RAB33A: variants seen among roughly 807,000 people sequenced by gnomAD.
The protein encoded by RAB33A is ras-related protein Rab-33A.
In RAB33A, 6 loss-of-function variants were observed where a neutral mutation model predicts 12.0. The observed-to-expected ratio is 0.50, with a 90% confidence interval of 0.27 to 0.99. The LOEUF is 0.99. Ranked by LOEUF, RAB33A falls within the 50% of genes least tolerant of loss-of-function variation. RAB33A has a pLI of 0.11. For missense variants in RAB33A, 109 were observed against 192.0 expected, an observed-to-expected ratio of 0.57 and a Z score of 2.55; for synonymous variants, 70 against 82.4, an observed-to-expected ratio of 0.85 and a Z score of 0.81.
chrX:130,163,838 T>C, the RAB33A span, among the ~76,000 whole-genome samples: 1 of 111,101 alleles, frequency 9.0e-6, no homozygotes, highest in Non-Finnish European at 1.9e-5. Flanking sequence ...TACTCAAAGT[T>C]TGAAAGGCCA....
At chrX:130,129,872 G>A in the RAB33A span, 179 of 1,035,431 alleles carry the variant, frequency 1.7e-4, no homozygotes, top group Middle Eastern at 2.9e-4. Flanking sequence ...ATTTGACCTG[G>A]CCGGGGGACA....
At chrX:130,165,533 C>T in the RAB33A span, 1 of 1,172,551 alleles carries the variant, frequency 8.5e-7, no homozygotes, top group African/African-American at 1.8e-5. Context: ...TGGAGGTTGC[C>T]TGGAATGGGT....
the RAB33A span, among the ~76,000 whole-genome samples, chrX:130,148,869 CTCTTTTCCA>C: frequency 3.1e-5 from 3 of 95,275 alleles, no homozygotes; most frequent in Non-Finnish European, 6.3e-5. Context: ...AGGTTTTCAT[CTCTTTTCCA>C]TCTTTTCCAA....
At chrX:130,133,249 T>C in the RAB33A span, 2 of 1,176,130 alleles carry the variant, frequency 1.7e-6, no homozygotes, top group Non-Finnish European at 2.3e-6. Flanking sequence ...ACCATAACTC[T>C]GTGTTATGGT....
the RAB33A span, chrX:130,135,913 C>A: frequency 1.1e-6 from 1 of 887,654 alleles, no homozygotes; most frequent in Non-Finnish European, 1.6e-6. Context: ...CATTTCTATT[C>A]TGTACCCTCA....
At chrX:130,133,769 A>G in the RAB33A span, among the ~76,000 whole-genome samples, 19 of 109,615 alleles carry the variant, frequency 1.7e-4, no homozygotes, top group Non-Finnish European at 3.0e-4. Flanking sequence ...CTGGGACTAC[A>G]GGAATGCACC....
At chrX:130,150,532 T>G in the RAB33A span, among the ~76,000 whole-genome samples, 1 of 103,558 alleles carries the variant, frequency 9.7e-6, no homozygotes, top group Non-Finnish European at 2.0e-5. Flanking sequence ...AGACGGGGTT[T>G]CACCGTTTTA....
chrX:130,134,223 C>T, the RAB33A span, among the ~76,000 whole-genome samples: 7 of 107,424 alleles, frequency 6.5e-5, no homozygotes, highest in Non-Finnish European at 1.2e-4. Flanking sequence ...GGAAACAGAG[C>T]GAGACACCGC....
At chrX:130,115,814 G>A in the RAB33A span, among the ~76,000 whole-genome samples, 12 of 111,307 alleles carry the variant, frequency 1.1e-4, no homozygotes, top group African/African-American at 3.6e-4. Context: ...GGTGTTAAAG[G>A]AAGCCTCCCA....
At chrX:130,145,778 G>A in the RAB33A span, among the ~76,000 whole-genome samples, 1 of 111,829 alleles carries the variant, frequency 8.9e-6, no homozygotes, top group African/African-American at 3.3e-5. Flanking sequence ...TTGCTCCCAG[G>A]GGATGTTTGC....
chrX:130,173,990 G>GA (rs1348946438), intron 1 of RAB33A, among the ~76,000 whole-genome samples: 18 of 112,102 alleles, frequency 1.6e-4, no homozygotes, highest in Non-Finnish European at 1.9e-4. Context: ...AATTTAGATG[G>GA]AAAAAATGAA....
upstream of RAB33A, among the ~76,000 whole-genome samples, chrX:130,170,487 G>T (rs209555): frequency 0.051 from 5,736 of 111,961 alleles, 190 homozygotes; most frequent in African/African-American, 0.13. Flanking sequence ...AGTCTTAAAA[G>T]AAACAAATGG....
At chrX:130,140,612 T>C in the RAB33A span, 1 of 1,194,483 alleles carries the variant, frequency 8.4e-7, no homozygotes, top group Non-Finnish European at 1.1e-6. Context: ...CATCCAGCTG[T>C]ACTACCTGGT....
At chrX:130,179,013 T>C (rs1191338030) in intron 1 of RAB33A, among the ~76,000 whole-genome samples, 1 of 108,007 alleles carries the variant, frequency 9.3e-6, no homozygotes, top group Non-Finnish European at 1.9e-5. Flanking sequence ...TGCTGTGATC[T>C]TCCTTTCTGA....
At chrX:130,169,817 G>GAATT (rs1263940312), upstream of RAB33A, among the ~76,000 whole-genome samples, 1 of 112,038 alleles carries the variant, frequency 8.9e-6, no homozygotes, top group Non-Finnish European at 1.9e-5. Context: ...TTCTAGCTGT[G>GAATT]AATTGGCAAA....
At chrX:130,117,272 C>G in the RAB33A span, among the ~76,000 whole-genome samples, 2 of 112,481 alleles carry the variant, frequency 1.8e-5, no homozygotes. Context: ...ACCATGAAAG[C>G]CCCTACAAAA....
chrX:130,133,655 G>T, the RAB33A span, among the ~76,000 whole-genome samples: 1 of 109,165 alleles, frequency 9.2e-6, no homozygotes, highest in Non-Finnish European at 1.9e-5. Context: ...TTTAGACAGG[G>T]TCTCACTCTA....
At chrX:130,181,007 CAAAAAAAAAAAAAAA>C (rs60085312) in intron 1 of RAB33A, among the ~76,000 whole-genome samples, 1 of 8,125 alleles carries the variant, frequency 1.2e-4, no homozygotes, top group Admixed American at 2.1e-3. Flanking sequence ...CAGTCCATCT[CAAAAAAAAAAAAAAA>C]AAAAAAAAAA....
At chrX:130,143,696 C>CA in the RAB33A span, among the ~76,000 whole-genome samples, 47,166 of 99,614 alleles carry the variant, frequency 0.47, 8,877 homozygotes, top group African/African-American at 0.63. Context: ...ACTAAAAAGA[C>CA]AAAAAAAAAA....
Sources: gnomAD v4.1 joint callset for allele counts (sites outside exome capture counted in the v4.1 genomes callset) on GRCh38, gnomAD v4.1.1 for gene constraint, MANE v1.5 for transcripts, NCBI Gene and HGNC (gene_info 2026-07-23, HGNC 2026-07-21) for gene names.